The following HDAC9 variants were observed in gnomAD, a reference collection of about 807,000 sequenced individuals.
HDAC9 encodes the protein histone deacetylase 9, also known as MEF-2 interacting transcription repressor (MITR) protein.
A neutral mutation model predicts 139.4 loss-of-function variants in HDAC9; 41 were observed. The observed-to-expected ratio is 0.29, with a 90% CI of 0.23 to 0.38. The LOEUF (loss-of-function observed/expected upper bound fraction) is 0.38. Ranked by LOEUF, HDAC9 falls within the 10% of genes least tolerant of loss-of-function variation. The pLI is 1.00. For missense variants in HDAC9, 1,147 were observed against 1,297.0 expected (o/e 0.88, Z 1.78); for synonymous variants, 517 against 476.2 (o/e 1.09, Z -1.12).
In HDAC9 at chr7:18,496,318, A is replaced by G. The variant is rs748719509; in HGVS notation, c.16A>G (p.Ser6Gly). 4.5e-5 allele frequency: 73 copies of G among 1,612,814 alleles called. 1 individual carries two copies. In the South Asian group the frequency reaches 7.9e-4, roughly 17 times the overall value. ...TCAGCAAAGAATGCACAGTATGATCAGCTCAGGTAAGATCCTCTTTCATAA... is the reference window on the plus strand; with the variant it reads ...TCAGCAAAGAATGCACAGTATGATCGGCTCAGGTAAGATCCTCTTTCATAA... MHSMI[S>G]SVDVKSEVPV... is the part of the protein sequence containing the mutation. The change falls in exon 2 of 26, where the codon AGC becomes GGC. Residue 6 changes from serine to glycine, a missense_variant. Around this residue, in one of 7 missense-constraint regions of HDAC9, gnomAD observed 136 missense variants for 183.5 expected, o/e 0.74. Coordinates refer to ENST00000686413, the MANE Select transcript of HDAC9 (RefSeq NM_178425.4).
intron 16 of HDAC9, among the ~76,000 whole-genome samples, chr7:18,775,365 A>C (rs776143984): frequency 4.6e-5 from 7 of 152,058 alleles, no homozygotes; most frequent in Non-Finnish European, 1.0e-4. Context: ...TAAAAAATCA[A>C]AGTATCTGAA....
rs1352786122 is a variant in HDAC9 at position 18,954,168 on chromosome 7, T to C, written c.2960T>C (p.Ile987Thr). 12 of 1,573,750 alleles carry C rather than the reference T, an allele frequency of 7.6e-6. No homozygotes were observed. The highest frequency in any genetic ancestry group is 1.0e-5 in the Non-Finnish European group (12 of 1,154,242). ...CAGCTGGAGCCACTTGCAGAAGATA[T>C]TCTCCACCAAAGCCCGAATATGAAT... The part of the protein sequence containing the change: ...GNELEPLAED[I>T]LHQSPNMNAV... Residue 987 changes from isoleucine to threonine, a missense_variant, in exon 24 of 26, where the codon ATT becomes ACT. Ile to Thr is a moderately conservative substitution (Grantham distance 89, BLOSUM62 -1). Coordinates refer to ENST00000686413, the MANE Select transcript of HDAC9 (RefSeq NM_178425.4).
intron 2 of HDAC9, 128 bp downstream of exon 2, chr7:18,496,452 G>C: frequency 1.3e-6 from 1 of 778,764 alleles, no homozygotes; most frequent in Non-Finnish European, 2.2e-6. Flanking sequence ...TATTTTCTTG[G>C]TGCGTCTGTA....
At chr7:18,426,038 C>T (rs944640463) in intron 1 of HDAC9, among the ~76,000 whole-genome samples, 20 of 152,276 alleles carry the variant, frequency 1.3e-4, no homozygotes, top group African/African-American at 4.6e-4. Flanking sequence ...AACATTAGCA[C>T]AGTGATATAC....
chr7:18,296,543 G>A (rs1798161728), intron 1 of HDAC9, among the ~76,000 whole-genome samples: 1 of 151,986 alleles, frequency 6.6e-6, no homozygotes, highest in South Asian at 2.1e-4. Flanking sequence ...CTTGGCCAAG[G>A]AGAAACACAA....
rs146913099 is a variant in HDAC9, at chr7:18,871,884, GACAATAGGAA to G, written c.2685-2592_2685-2583del. 3.9e-4 allele frequency among the ~76,000 whole-genome samples: 59 copies of G among 152,230 alleles called. No homozygotes were observed. In the East Asian group the frequency reaches 0.01, roughly 26 times the overall value. On this transcript the variant is annotated intron_variant, in intron 21 of 25. Transcript: ENST00000686413. The stretch of plus-strand genomic sequence containing the variant: ...GAGAGGAGAACAAGAGTTTAATGCT[GACAATAGGAA>G]AATAAATAATATTCAGTTCAAAATT...
chr7:18,281,338 G>T (rs1257719881), intron 2 of HDAC9, among the ~76,000 whole-genome samples: 1 of 152,136 alleles, frequency 6.6e-6, no homozygotes, highest in African/African-American at 2.4e-5. Flanking sequence ...GGAAAATACT[G>T]CATGGGTTTT....
chr7:18,251,059 A>G (rs1794886983), intron 2 of HDAC9, among the ~76,000 whole-genome samples: 1 of 152,222 alleles, frequency 6.6e-6, no homozygotes. Context: ...ATGCACATGT[A>G]TGGTCATTGC....
At chr7:18,895,396 A>G (rs1204588600) in intron 22 of HDAC9, among the ~76,000 whole-genome samples, 2 of 152,114 alleles carry the variant, frequency 1.3e-5, no homozygotes, top group Admixed American at 6.6e-5. Flanking sequence ...GATCCTAGAA[A>G]TACTGCAGTG....
rs1056957336 is a variant in HDAC9 at position 18,205,721 on chromosome 7, C to G, written c.25+43372C>G. Among the ~76,000 whole-genome samples, 9 of 151,948 alleles carry G rather than the reference C, an allele frequency of 5.9e-5. 1 individual carries two copies. Among genetic ancestry groups the G allele is most frequent in the African/African-American group, 1.9e-4 (8 of 41,408 alleles). On this transcript the variant is annotated intron_variant, in intron 2 of 12. Transcript: ENST00000417496. Reference sequence around the variant, plus strand: ...TTGTCTGTTTCATCTTTTTAATTTTCTAATTAAATTCTGTAGTTTTCCTTA... The same window carrying G: ...TTGTCTGTTTCATCTTTTTAATTTTGTAATTAAATTCTGTAGTTTTCCTTA...
intron 1 of HDAC9, among the ~76,000 whole-genome samples, chr7:18,443,482 A>T (rs1163379436): frequency 1.3e-5 from 2 of 152,192 alleles, no homozygotes; most frequent in African/African-American, 4.8e-5. Flanking sequence ...GTAAGCACTA[A>T]TTATACCATA....
intron 2 of HDAC9, among the ~76,000 whole-genome samples, chr7:18,549,705 A>G (rs950532675): frequency 1.3e-5 from 2 of 151,316 alleles, no homozygotes; most frequent in East Asian, 1.9e-4. Flanking sequence ...TACTTTTGCA[A>G]CTCTCCAAGA....
intron 23 of HDAC9, among the ~76,000 whole-genome samples, chr7:18,943,386 A>G (rs1481763616): frequency 2.0e-5 from 3 of 152,078 alleles, no homozygotes; most frequent in African/African-American, 7.2e-5. Flanking sequence ...AATTGTATTT[A>G]TTATCCTCTT....
At chr7:18,762,742 A>G (rs192176612) in intron 15 of HDAC9, among the ~76,000 whole-genome samples, 1 of 152,306 alleles carries the variant, frequency 6.6e-6, no homozygotes, top group East Asian at 1.9e-4. Context: ...CCATCACACT[A>G]CATTCTATAG....
chr7:18,490,662 G>A (rs554166752), intron 1 of HDAC9, among the ~76,000 whole-genome samples: 26 of 152,014 alleles, frequency 1.7e-4, no homozygotes, highest in Non-Finnish European at 3.4e-4. Flanking sequence ...AGAAAATTCA[G>A]ATAAATAAGG....
chr7:18,441,542 A>G (rs1791759701), intron 1 of HDAC9, among the ~76,000 whole-genome samples: 1 of 152,232 alleles, frequency 6.6e-6, no homozygotes. Flanking sequence ...GAAGTGATTT[A>G]TCTCAGCTCT....
intron 12 of HDAC9, among the ~76,000 whole-genome samples, chr7:18,704,726 G>A (rs1354437148): frequency 1.3e-5 from 2 of 152,094 alleles, no homozygotes; most frequent in Non-Finnish European, 2.9e-5. Context: ...CTGAGGAGCA[G>A]GAAAGGTATT....
At chr7:18,160,717 A>G (rs1787569255) in intron 1 of HDAC9, among the ~76,000 whole-genome samples, 1 of 152,044 alleles carries the variant, frequency 6.6e-6, no homozygotes, top group South Asian at 2.1e-4. Context: ...CCCGGGTTCA[A>G]GTGATTCTCC....
chr7:18,747,445 G>T (rs1290742702), intron 13 of HDAC9, among the ~76,000 whole-genome samples: 3 of 152,168 alleles, frequency 2.0e-5, no homozygotes, highest in Non-Finnish European at 4.4e-5. Flanking sequence ...TCTTTGGAGG[G>T]GGAGCGTCAA....
Sources: gnomAD v4.1 joint callset for allele counts (sites outside exome capture counted in the v4.1 genomes callset) on GRCh38, gnomAD v4.1.1 for gene constraint, gnomAD v4.1.1 regional missense constraint, MANE v1.5 for transcripts, NCBI Gene and HGNC (gene_info 2026-07-23, HGNC 2026-07-21) for gene names.